The following CSMD1 variants were observed in gnomAD, a reference collection of about 807,000 sequenced individuals.
The protein encoded by CSMD1 is CUB and sushi domain-containing protein 1.
In CSMD1, 213 loss-of-function variants were observed where a neutral mutation model predicts 417.5. That is an observed-to-expected ratio of 0.51 (90% confidence interval 0.46 to 0.57). The LOEUF is 0.57. CSMD1 is among the 20% of genes least tolerant of loss of function. The pLI, the probability that CSMD1 is intolerant of heterozygous loss-of-function variation, is 0.00. For synonymous variants in CSMD1, 2,862 were observed against 1,736.8 expected (o/e 1.65, Z -16.11); for missense variants, 6,923 against 4,529.7 (o/e 1.53, Z -15.17).
chr8:3,873,359 A>G (rs1371794417), intron 5 of CSMD1, among the ~76,000 whole-genome samples: 7 of 151,996 alleles, frequency 4.6e-5, no homozygotes, highest in Non-Finnish European at 5.9e-5. Flanking sequence ...TATACCATAT[A>G]ATACTATCAA....
intron 10 of CSMD1, among the ~76,000 whole-genome samples, chr8:3,495,768 G>A (rs2117314757): frequency 6.6e-6 from 1 of 152,280 alleles, no homozygotes; most frequent in South Asian, 2.1e-4. Context: ...TACATTTCAA[G>A]TTGTGAGCAA....
At chr8:4,570,313 G>T (rs960766391) in intron 2 of CSMD1, among the ~76,000 whole-genome samples, 1 of 152,028 alleles carries the variant, frequency 6.6e-6, no homozygotes, top group Non-Finnish European at 1.5e-5. Context: ...CATATGTTCC[G>T]TCAATACCTA....
intron 1 of CSMD1, among the ~76,000 whole-genome samples, chr8:4,713,347 T>C (rs1040183892): frequency 3.3e-5 from 5 of 151,770 alleles, no homozygotes; most frequent in Non-Finnish European, 5.9e-5. Context: ...TGCCATAGCT[T>C]TTATCTTTTT....
At chr8:3,763,088 G>A (rs967450617) in intron 5 of CSMD1, among the ~76,000 whole-genome samples, 2 of 152,086 alleles carry the variant, frequency 1.3e-5, no homozygotes, top group East Asian at 1.9e-4. Context: ...GGTCTCTCTG[G>A]CACGTAACAG....
intron 25 of CSMD1, among the ~76,000 whole-genome samples, chr8:3,304,656 C>G: frequency 6.6e-6 from 1 of 151,914 alleles, no homozygotes; most frequent in Admixed American, 6.6e-5. Context: ...TATACGTATA[C>G]GAAGAAAATT....
intron 7 of CSMD1, among the ~76,000 whole-genome samples, chr8:3,672,195 A>C (rs996508823): frequency 6.6e-6 from 1 of 152,168 alleles, no homozygotes; most frequent in Non-Finnish European, 1.5e-5. Context: ...AAGTTTGATG[A>C]AATTGACTGA....
chr8:4,109,419 G>T (rs560415933), intron 3 of CSMD1, among the ~76,000 whole-genome samples: 1 of 152,074 alleles, frequency 6.6e-6, no homozygotes, highest in African/African-American at 2.4e-5. Context: ...CTTAATCACG[G>T]TGAAAGTTTC....
intron 3 of CSMD1, among the ~76,000 whole-genome samples, chr8:4,189,891 C>G (rs145364324): frequency 6.6e-6 from 1 of 151,900 alleles, no homozygotes; most frequent in East Asian, 1.9e-4. Flanking sequence ...TGAATCATTT[C>G]TAAGCCATTG....
chr8:3,258,583 C>T (rs948696182), intron 26 of CSMD1, among the ~76,000 whole-genome samples: 1 of 152,144 alleles, frequency 6.6e-6, no homozygotes, highest in Non-Finnish European at 1.5e-5. Flanking sequence ...CCTAGCAATC[C>T]ATTATTGGGT....
At chr8:4,669,751 G>C (rs186635771) in intron 1 of CSMD1, among the ~76,000 whole-genome samples, 5 of 152,100 alleles carry the variant, frequency 3.3e-5, no homozygotes, top group East Asian at 3.9e-4. Flanking sequence ...CACCTTCTTA[G>C]GGTCAGAGGT....
chr8:2,966,672 A>C lies in CSMD1; in HGVS notation c.8998T>G (p.Ser3000Ala). Residue 3000 changes from serine (S) to alanine (A), a missense_variant, in exon 58 of 70, where the codon TCG (serine) becomes GCG (alanine). Physicochemically the swap from Ser to Ala is moderately conservative, Grantham distance 99. Coordinates refer to ENST00000635120, the MANE Select transcript of CSMD1 (RefSeq NM_033225.6). ...CCTTCCCAGCAGGCATAGATGACCG[A>C]GCTGGAGAACAGAATGCCATCACTA... ...VSSDGILFSS[S>A]VIYACWEGYK... 6.2e-7 allele frequency: 1 copy of C among 1,613,838 alleles called. No individual in the cohort carries two copies. The highest frequency in any genetic ancestry group is 1.1e-5 in the South Asian group (1 of 91,044).
intron 3 of CSMD1, among the ~76,000 whole-genome samples, chr8:4,181,755 T>C (rs1278933593): frequency 1.3e-5 from 2 of 152,190 alleles, no homozygotes; most frequent in Non-Finnish European, 2.9e-5. Flanking sequence ...ACAATTCTTA[T>C]CTTGTCATTG....
At chr8:3,015,577 C>A (rs1808762547) in intron 52 of CSMD1, among the ~76,000 whole-genome samples, 1 of 151,774 alleles carries the variant, frequency 6.6e-6, no homozygotes, top group African/African-American at 2.4e-5. Flanking sequence ...AAAAAAAGGA[C>A]CCAAACTCAC....
intron 3 of CSMD1, among the ~76,000 whole-genome samples, chr8:4,318,504 C>T (rs910423220): frequency 2.0e-5 from 3 of 152,062 alleles, no homozygotes; most frequent in African/African-American, 4.8e-5. Flanking sequence ...ACCTACTCAA[C>T]TGGCGAGAAA....
At chr8:4,490,780 G>A (rs1349138859) in intron 2 of CSMD1, among the ~76,000 whole-genome samples, 1 of 152,152 alleles carries the variant, frequency 6.6e-6, no homozygotes, top group Non-Finnish European at 1.5e-5. Flanking sequence ...ACTAGGTCGG[G>A]CATATTAATT....
At chr8:4,984,916 G>T (rs980723539) in intron 1 of CSMD1, among the ~76,000 whole-genome samples, 2 of 152,130 alleles carry the variant, frequency 1.3e-5, no homozygotes, top group Non-Finnish European at 2.9e-5. Flanking sequence ...CAGAGCAGTG[G>T]CACATATGCA....
intron 3 of CSMD1, among the ~76,000 whole-genome samples, chr8:4,218,156 G>A (rs952491934): frequency 2.0e-5 from 3 of 152,128 alleles, no homozygotes; most frequent in African/African-American, 4.8e-5. Flanking sequence ...CATGCTGAAC[G>A]TTCTAGTAAT....
chr8:4,322,213 T>C (rs908812045), intron 3 of CSMD1, among the ~76,000 whole-genome samples: 3 of 152,244 alleles, frequency 2.0e-5, no homozygotes, highest in African/African-American at 7.2e-5. Flanking sequence ...TGGTTCCATA[T>C]AGATAATTCA....
chr8:4,441,366 G>C (rs896117227), intron 2 of CSMD1, among the ~76,000 whole-genome samples: 1 of 149,018 alleles, frequency 6.7e-6, no homozygotes, highest in South Asian at 2.1e-4. Context: ...TCCTGTCTGA[G>C]CCTCCTAAAG....
Sources: allele counts gnomAD v4.1 joint callset (sites outside exome capture counted in the v4.1 genomes callset), GRCh38; gene constraint gnomAD v4.1.1; transcripts MANE v1.5; gene names NCBI Gene and HGNC (gene_info 2026-07-23, HGNC 2026-07-21).